Variants in GPC5 observed in about 807,000 individuals in gnomAD.
GPC5 encodes the protein glypican 5.
In GPC5, 47 loss-of-function variants were observed where a neutral mutation model predicts 53.9. The observed-to-expected ratio is 0.87, with a 90% confidence interval of 0.69 to 1.11. The LOEUF (loss-of-function observed/expected upper bound fraction) is 1.11. Among genes scored for constraint, GPC5 ranks in the 50% most tolerant of loss-of-function variants. The pLI is 0.00. For missense variants in GPC5, 748 were observed against 713.1 expected, an observed-to-expected ratio of 1.05 and a Z score of -0.56; for synonymous variants, 286 against 263.3, an observed-to-expected ratio of 1.09 and a Z score of -0.84.
At chr13:92,066,658 T>C (rs1388151139) in intron 6 of GPC5, among the ~76,000 whole-genome samples, 1 of 152,070 alleles carries the variant, frequency 6.6e-6, no homozygotes, top group Non-Finnish European at 1.5e-5. Context: ...ATAAACAAAA[T>C]GTGTTTTACT....
rs183848524 is a variant in GPC5, at chr13:91,998,370, C to A, written c.1401+90313C>A. 3.3e-5 allele frequency among the ~76,000 whole-genome samples: 5 copies of A among 152,246 alleles called. No individual in the cohort carries two copies. In the East Asian group the frequency reaches 5.8e-4, roughly 18 times the overall value. On this transcript the variant is annotated intron_variant, in intron 6 of 7. Coordinates refer to ENST00000377067, the MANE Select transcript of GPC5 (RefSeq NM_004466.6). Reference sequence around the variant, plus strand: ...TTCTATGTAACTTTCTGAAAACATGCCAATTTCACCAAGACAAACACATAC... The same window carrying A: ...TTCTATGTAACTTTCTGAAAACATGACAATTTCACCAAGACAAACACATAC...
At chr13:92,457,765 G>T (rs969405294) in intron 7 of GPC5, among the ~76,000 whole-genome samples, 1 of 151,736 alleles carries the variant, frequency 6.6e-6, no homozygotes, top group Non-Finnish European at 1.5e-5. Flanking sequence ...TTGTAACTCT[G>T]CTTGCTCTAA....
At chr13:91,916,514 T>C (rs2039660856) in intron 6 of GPC5, among the ~76,000 whole-genome samples, 1 of 152,218 alleles carries the variant, frequency 6.6e-6, no homozygotes, top group Non-Finnish European at 1.5e-5. Flanking sequence ...AAATATGTTA[T>C]ACTAGCTGAA....
chr13:91,999,389 A>T (rs2040534793), intron 6 of GPC5, among the ~76,000 whole-genome samples: 1 of 152,108 alleles, frequency 6.6e-6, no homozygotes, highest in Non-Finnish European at 1.5e-5. Context: ...CTTCAACCTC[A>T]AGGATGGATA....
chr13:91,477,158 T>TTA (rs1004244326), intron 2 of GPC5, among the ~76,000 whole-genome samples: 46 of 151,962 alleles, frequency 3.0e-4, no homozygotes, highest in African/African-American at 5.3e-4. Flanking sequence ...TTTCTGCAGT[T>TTA]TATATATATA....
intron 2 of GPC5, among the ~76,000 whole-genome samples, chr13:91,626,511 G>A (rs1045225753): frequency 1.8e-4 from 28 of 152,190 alleles, no homozygotes; most frequent in South Asian, 4.1e-4. Flanking sequence ...CTCTATGCAC[G>A]CAGGAAGATA....
chr13:92,187,190 A>G lies in GPC5; in HGVS notation c.1561+42201A>G, dbSNP rs193074852. Among the ~76,000 whole-genome samples, 24 of 152,316 alleles carry G rather than the reference A, an allele frequency of 1.6e-4. No individual in the cohort carries two copies. The East Asian group carries it at 4.1e-3, about 26-fold the overall frequency. On this transcript the variant is annotated intron_variant, in intron 7 of 7. Coordinates refer to ENST00000377067, the MANE Select transcript of GPC5 (RefSeq NM_004466.6). The stretch of plus-strand genomic sequence containing the variant: ...CTCAATGTAACCTGTATTTACACGC[A>G]TAAGTCAGCCTCCAAAATAAGTTAG...
At chr13:91,420,974 C>T (rs1878586137) in intron 1 of GPC5, among the ~76,000 whole-genome samples, 2 of 152,164 alleles carry the variant, frequency 1.3e-5, no homozygotes, top group Admixed American at 1.3e-4. Context: ...CACTCCCCCT[C>T]AAAATAATGT....
intron 5 of GPC5, among the ~76,000 whole-genome samples, chr13:91,842,837 C>T (rs544307490): frequency 2.6e-5 from 4 of 151,402 alleles, no homozygotes; most frequent in South Asian, 2.1e-4. Flanking sequence ...GAAAATGAGA[C>T]GTGCTCTTTA....
At chr13:92,185,132 A>T (rs2139040561) in intron 7 of GPC5, among the ~76,000 whole-genome samples, 1 of 152,240 alleles carries the variant, frequency 6.6e-6, no homozygotes, top group Non-Finnish European at 1.5e-5. Flanking sequence ...ATCAGTCTTC[A>T]GCTTGCTCCA....
intron 6 of GPC5, among the ~76,000 whole-genome samples, chr13:91,948,487 C>T (rs1283607049): frequency 2.6e-5 from 4 of 151,948 alleles, no homozygotes; most frequent in Middle Eastern, 3.4e-3. Context: ...ATGGAACCTA[C>T]GGTCTAATCT....
intron 6 of GPC5, among the ~76,000 whole-genome samples, chr13:92,105,664 T>C (rs1025164596): frequency 1.3e-5 from 2 of 151,970 alleles, no homozygotes; most frequent in Admixed American, 1.3e-4. Context: ...GTGTATTAAG[T>C]GAGATGGTTT....
At chr13:92,000,258 A>C (rs565811503) in intron 6 of GPC5, among the ~76,000 whole-genome samples, 1 of 124,744 alleles carries the variant, frequency 8.0e-6, no homozygotes, top group South Asian at 2.4e-4. Context: ...CATGGTGTGC[A>C]TATTTTTTTT....
chr13:92,751,251 G>A (rs746790504), intron 7 of GPC5, among the ~76,000 whole-genome samples: 34 of 120,354 alleles, frequency 2.8e-4, no homozygotes, highest in Non-Finnish European at 3.8e-4. Flanking sequence ...ATTTGAAAAG[G>A]TACCTACGTA....
At chr13:91,511,326 T>A (rs1885218948) in intron 2 of GPC5, among the ~76,000 whole-genome samples, 1 of 152,216 alleles carries the variant, frequency 6.6e-6, no homozygotes, top group Non-Finnish European at 1.5e-5. Context: ...TCTCTTTGGT[T>A]TTCAGGAATT....
intron 5 of GPC5, among the ~76,000 whole-genome samples, chr13:91,855,341 C>G (rs894802750): frequency 6.6e-6 from 1 of 151,600 alleles, no homozygotes; most frequent in Non-Finnish European, 1.5e-5. Flanking sequence ...GTTTAATCTA[C>G]CTTAAAGTAT....
intron 7 of GPC5, among the ~76,000 whole-genome samples, chr13:92,840,102 T>TAC (rs1878383916): frequency 1.2e-5 from 1 of 83,482 alleles, no homozygotes; most frequent in African/African-American, 3.2e-5. Flanking sequence ...TATATATATA[T>TAC]ATATATATAT....
intron 7 of GPC5, among the ~76,000 whole-genome samples, chr13:92,547,819 C>CTTTTTATTTTT (rs1882172591): frequency 1.0e-5 from 1 of 100,448 alleles, no homozygotes; most frequent in Admixed American, 1.3e-4. Flanking sequence ...GCCTATTATT[C>CTTTTTATTTTT]TTTTTTTTTT....
At chr13:92,357,710 C>T (rs949384168) in intron 7 of GPC5, among the ~76,000 whole-genome samples, 3 of 151,524 alleles carry the variant, frequency 2.0e-5, no homozygotes, top group Non-Finnish European at 4.4e-5. Flanking sequence ...AGGAAGGAGG[C>T]ACATGGCCAG....
Sources: gnomAD v4.1 joint callset for allele counts (sites outside exome capture counted in the v4.1 genomes callset) on GRCh38, gnomAD v4.1.1 for gene constraint, MANE v1.5 for transcripts, NCBI Gene and HGNC (gene_info 2026-07-23, HGNC 2026-07-21) for gene names.